The following SH3KBP1 variants were observed in gnomAD, a reference collection of about 807,000 sequenced individuals.
SH3KBP1 encodes SH3 domain containing kinase binding protein 1.
Under a neutral mutation model 50.1 loss-of-function variants are expected in SH3KBP1, and 8 were observed. The ratio of observed to expected loss-of-function variants is 0.16; its 90% confidence interval spans 0.09 to 0.29. The LOEUF (loss-of-function observed/expected upper bound fraction) is 0.29, where lower values mean the gene tolerates loss of function less well. SH3KBP1 is among the 10% of genes least tolerant of loss of function. The pLI is 1.00. For missense variants in SH3KBP1, 377 were observed against 535.2 expected (o/e 0.70, Z 2.92); for synonymous variants, 227 against 218.6 (o/e 1.04, Z -0.34).
In SH3KBP1 at chrX:19,565,051, A is replaced by ATTTTTTTTTTTTTTT. The variant is rs59323105; in HGVS notation, c.1384+4037_1384+4051dup. Among the ~76,000 whole-genome samples the ATTTTTTTTTTTTTTT allele has an allele frequency of 1.7e-3, 110 of 66,520 alleles. 13 individuals carry two copies. The highest frequency in any genetic ancestry group is 8.0e-3 in the African/African-American group (106 of 13,306). 57.8% of individuals were successfully genotyped at this position (66,520 alleles called of 115,157 possible). ...TCAGAGAGACCTGGCTTCAACTCCA[A>ATTTTTTTTTTTTTTT]TTTTTTTTTTTTTTTTTTTTTTTTT... On this transcript the variant is annotated intron_variant, in intron 13 of 17. Coordinates refer to ENST00000397821, the MANE Select transcript of SH3KBP1 (RefSeq NM_031892.3).
intron 6 of SH3KBP1, among the ~76,000 whole-genome samples, chrX:19,646,442 A>T (rs2061991379): frequency 8.9e-6 from 1 of 111,749 alleles, no homozygotes; most frequent in Non-Finnish European, 1.9e-5. Flanking sequence ...ATCATGATTG[A>T]TGCCTGAGGG....
intron 1 of SH3KBP1, among the ~76,000 whole-genome samples, chrX:19,853,570 A>G (rs962224110): frequency 9.0e-5 from 10 of 111,636 alleles, no homozygotes; most frequent in Admixed American, 6.6e-4. Flanking sequence ...CAGAAGCCCT[A>G]AAAGGAAGGA....
chrX:19,868,821 C>A (rs2068970133), intron 1 of SH3KBP1, among the ~76,000 whole-genome samples: 1 of 107,965 alleles, frequency 9.3e-6, no homozygotes, highest in South Asian at 4.2e-4. Context: ...AGAACCCATC[C>A]CTTCCCCTAC....
chrX:19,728,656 C>T (rs183682557), intron 3 of SH3KBP1, among the ~76,000 whole-genome samples: 3 of 112,008 alleles, frequency 2.7e-5, no homozygotes, highest in Non-Finnish European at 3.8e-5. Context: ...TGATGGTACA[C>T]AGACTGGACC....
chrX:19,573,157 G>A (rs987545663), intron 12 of SH3KBP1, among the ~76,000 whole-genome samples: 5 of 111,633 alleles, frequency 4.5e-5, no homozygotes, highest in Middle Eastern at 4.6e-3. Context: ...TCACATCTAC[G>A]GAAAACTGGT....
intron 13 of SH3KBP1, among the ~76,000 whole-genome samples, chrX:19,558,673 G>A (rs2065567416): frequency 1.8e-5 from 2 of 111,871 alleles, no homozygotes; most frequent in Admixed American, 1.9e-4. Flanking sequence ...GTAAAAACAT[G>A]TATAGAAATT....
At chrX:19,885,038 C>T (rs911727464) in intron 1 of SH3KBP1, among the ~76,000 whole-genome samples, 5 of 111,613 alleles carry the variant, frequency 4.5e-5, no homozygotes, top group Non-Finnish European at 9.4e-5. Flanking sequence ...GTGGTGTGAG[C>T]GTGCAGTCCC....
chrX:19,776,886 T>C (rs937102032), intron 2 of SH3KBP1, among the ~76,000 whole-genome samples: 7 of 109,696 alleles, frequency 6.4e-5, no homozygotes, highest in African/African-American at 2.3e-4. Flanking sequence ...CTTCCTCTCT[T>C]AGTTTTCACA....
chrX:19,647,073 T>C (rs2062007963), intron 6 of SH3KBP1, among the ~76,000 whole-genome samples: 1 of 112,327 alleles, frequency 8.9e-6, no homozygotes, highest in African/African-American at 3.2e-5. Context: ...TTCATTTCAT[T>C]CACATTCCTG....
At chrX:19,568,058 A>C (rs1274115536) in intron 13 of SH3KBP1, among the ~76,000 whole-genome samples, 1 of 110,743 alleles carries the variant, frequency 9.0e-6, no homozygotes, top group Non-Finnish European at 1.9e-5. Flanking sequence ...AATTGAACTC[A>C]TGGCGGTAGA....
In SH3KBP1 at chrX:19,638,101, A is replaced by C. The variant is rs192690012; in HGVS notation, c.803-6143T>G. Among the ~76,000 whole-genome samples, 975 of 105,404 alleles carry C rather than the reference A, an allele frequency of 9.3e-3. 5 individuals are homozygous for C. The highest frequency in any genetic ancestry group is 0.025 in the Middle Eastern group (5 of 202). The allele number at this position is 105,404 out of a possible 115,157, so 91.5% of individuals were successfully genotyped here. A position where few individuals can be genotyped will look rare whatever the true frequency, so the allele number is the denominator to read the frequency against. On this transcript the variant is annotated intron_variant, in intron 7 of 17. Coordinates refer to ENST00000397821, the MANE Select transcript of SH3KBP1 (RefSeq NM_031892.3). Reference sequence around the variant, plus strand: ...CCAAAACAAAACAAAACAAAAAAAAACAAACAAACAAACAAAAAAAAACAA... The same window carrying C: ...CCAAAACAAAACAAAACAAAAAAAACCAAACAAACAAACAAAAAAAAACAA...
chrX:19,718,830 A>G (rs1251574935), intron 3 of SH3KBP1, among the ~76,000 whole-genome samples: 2 of 110,774 alleles, frequency 1.8e-5, no homozygotes, highest in Non-Finnish European at 3.8e-5. Flanking sequence ...AGCCCACATT[A>G]GTCATTATTC....
chrX:19,546,190 T>C, intron 14 of SH3KBP1, 140 bp from the exon 15 acceptor site: 5 of 656,837 alleles, frequency 7.6e-6, no homozygotes, highest in Non-Finnish European at 1.1e-5. Flanking sequence ...GGCAAAAAAG[T>C]GTGCTGTTAT....
At chrX:19,655,237 C>CTCATTCAT (rs370633523) in intron 6 of SH3KBP1, among the ~76,000 whole-genome samples, 4 of 111,622 alleles carry the variant, frequency 3.6e-5, no homozygotes, top group African/African-American at 9.8e-5. Flanking sequence ...TCATTCATTC[C>CTCATTCAT]TCATTCATTC....
At chrX:19,544,822 G>A (rs2065041278) in intron 15 of SH3KBP1, among the ~76,000 whole-genome samples, 1 of 111,701 alleles carries the variant, frequency 9.0e-6, no homozygotes, top group South Asian at 3.7e-4. Flanking sequence ...GACAACTCCG[G>A]GGAAGAGAAA....
intron 6 of SH3KBP1, among the ~76,000 whole-genome samples, chrX:19,682,989 T>C (rs1289217730): frequency 9.1e-6 from 1 of 109,906 alleles, no homozygotes; most frequent in Non-Finnish European, 1.9e-5. Context: ...GTCCCCCAAA[T>C]CTGCTGGCAC....
At chrX:19,836,391 C>G in intron 1 of SH3KBP1, 109 bp from the exon 2 acceptor site, 1 of 694,707 alleles carries the variant, frequency 1.4e-6, no homozygotes, top group Non-Finnish European at 2.2e-6. Context: ...TTCCCCTCTA[C>G]AAATATTCAA....
chrX:19,817,463 T>A (rs771864955), intron 2 of SH3KBP1, among the ~76,000 whole-genome samples: 1 of 111,699 alleles, frequency 9.0e-6, no homozygotes, highest in East Asian at 2.8e-4. Context: ...TTAACAACAT[T>A]TTGTTGTTTT....
intron 12 of SH3KBP1, among the ~76,000 whole-genome samples, chrX:19,580,036 G>A (rs1288134426): frequency 9.0e-6 from 1 of 111,451 alleles, no homozygotes; most frequent in Non-Finnish European, 1.9e-5. Context: ...GCCTTGTGGT[G>A]TCATTTTGCA....
Sources: allele counts gnomAD v4.1 joint callset (sites outside exome capture counted in the v4.1 genomes callset), GRCh38; gene constraint gnomAD v4.1.1; transcripts MANE v1.5; gene names NCBI Gene and HGNC (gene_info 2026-07-23, HGNC 2026-07-21).